PRTFDC1: variants seen among roughly 807,000 people sequenced by gnomAD.
The protein encoded by PRTFDC1 is phosphoribosyl transferase domain containing 1.
A neutral mutation model predicts 34.6 loss-of-function variants in PRTFDC1; 38 were observed. That is an observed-to-expected ratio of 1.10 (90% CI 0.85 to 1.44). The LOEUF is 1.44. PRTFDC1 is among the 40% of genes most tolerant of loss of function. The probability of loss-of-function intolerance (pLI) is 0.00; values close to 1 mark genes in which losing one functional copy is unlikely to be tolerated. For synonymous variants in PRTFDC1, 93 were observed against 98.1 expected (o/e 0.95, Z 0.31); for missense variants, 270 against 283.0 (o/e 0.95, Z 0.33).
intron 3 of PRTFDC1, among the ~76,000 whole-genome samples, chr10:24,930,627 A>T (rs1444605471): frequency 1.3e-5 from 2 of 152,158 alleles, no homozygotes; most frequent in Non-Finnish European, 2.9e-5. Flanking sequence ...TCCAGTGGTC[A>T]CAGTCTTGAG....
At chr10:24,899,543 G>T (rs1308572514) in intron 3 of PRTFDC1, among the ~76,000 whole-genome samples, 1 of 152,108 alleles carries the variant, frequency 6.6e-6, no homozygotes, top group Non-Finnish European at 1.5e-5. Context: ...GGTGGGAATT[G>T]ATTTTGGGAA....
intron 1 of PRTFDC1, among the ~76,000 whole-genome samples, chr10:24,949,182 TG>T (rs1849297940): frequency 6.6e-6 from 1 of 152,148 alleles, no homozygotes; most frequent in African/African-American, 2.4e-5. Flanking sequence ...CTTGACTTCC[TG>T]GGCTCAGGTG....
intron 4 of PRTFDC1, among the ~76,000 whole-genome samples, chr10:24,866,838 GAA>G (rs1477885401): frequency 2.7e-5 from 4 of 150,152 alleles, no homozygotes; most frequent in Non-Finnish European, 1.5e-5. Context: ...GGAAGAGAGA[GAA>G]AGGAATTTTA....
At chr10:24,886,738 A>G (rs1848171048) in intron 3 of PRTFDC1, among the ~76,000 whole-genome samples, 1 of 152,112 alleles carries the variant, frequency 6.6e-6, no homozygotes, top group East Asian at 1.9e-4. Context: ...CAGTCTCCAG[A>G]GTAACTGGGA....
In PRTFDC1 at chr10:24,889,023, C is replaced by G. The variant is rs150638471; in HGVS notation, c.340-16960G>C. The stretch of plus-strand genomic sequence containing the variant: ...GTTATGGTCTGAATGTTTGTTACCC[C>G]CCTCCCCGACCCTGCCCCAAATTCA... On this transcript the variant is annotated intron_variant, in intron 3 of 8. Transcript: ENST00000320152. Among the ~76,000 whole-genome samples, 643 of 152,230 alleles carry G rather than the reference C, an allele frequency of 4.2e-3. 2 individuals carry two copies. Among genetic ancestry groups the G allele is most frequent in the Non-Finnish European group, 5.3e-3 (358 of 68,020 alleles).
At chr10:24,889,419 T>C (rs1328215977) in intron 3 of PRTFDC1, among the ~76,000 whole-genome samples, 1 of 152,176 alleles carries the variant, frequency 6.6e-6, no homozygotes, top group African/African-American at 2.4e-5. Flanking sequence ...CCATACGGAC[T>C]AAGACAGCAC....
intron 3 of PRTFDC1, among the ~76,000 whole-genome samples, chr10:24,925,019 C>T (rs139032874): frequency 3.9e-4 from 59 of 152,300 alleles, no homozygotes; most frequent in African/African-American, 1.4e-3. Flanking sequence ...CACATGCACA[C>T]ATATGTTTAT....
intron 1 of PRTFDC1, 79 bp from the exon 2 acceptor site, chr10:24,942,515 G>A (rs1849179235): frequency 8.6e-7 from 1 of 1,156,906 alleles, no homozygotes; most frequent in Non-Finnish European, 1.3e-6. Flanking sequence ...TATCACTTGA[G>A]AGGAGAATTC....
intron 4 of PRTFDC1, among the ~76,000 whole-genome samples, chr10:24,864,666 A>G (rs1348548260): frequency 6.6e-6 from 1 of 152,248 alleles, no homozygotes; most frequent in Non-Finnish European, 1.5e-5. Flanking sequence ...CAGTATAAAC[A>G]TAAGTTTTAT....
At chr10:24,918,952 C>A (rs1246091841) in intron 3 of PRTFDC1, among the ~76,000 whole-genome samples, 1 of 152,132 alleles carries the variant, frequency 6.6e-6, no homozygotes, top group Non-Finnish European at 1.5e-5. Flanking sequence ...AGTTTTACAT[C>A]TTAGCCCCAT....
chr10:24,862,040 A>G (rs956401885), intron 4 of PRTFDC1, among the ~76,000 whole-genome samples: 1 of 152,114 alleles, frequency 6.6e-6, no homozygotes, highest in East Asian at 1.9e-4. Context: ...AATATAAAAC[A>G]TTATAAAATG....
At chr10:24,917,969 G>T (rs930237634) in intron 3 of PRTFDC1, among the ~76,000 whole-genome samples, 17 of 152,138 alleles carry the variant, frequency 1.1e-4, no homozygotes, top group African/African-American at 3.9e-4. Flanking sequence ...CGTGTTTTTG[G>T]TACTTTTTTG....
At chr10:24,949,483 C>T (rs1302908285) in intron 1 of PRTFDC1, among the ~76,000 whole-genome samples, 1 of 152,194 alleles carries the variant, frequency 6.6e-6, no homozygotes, top group Non-Finnish European at 1.5e-5. Flanking sequence ...GCTCTCCCTT[C>T]CCTCCTGCCT....
chr10:24,923,411 C>G (rs936915717), intron 3 of PRTFDC1, among the ~76,000 whole-genome samples: 1 of 152,154 alleles, frequency 6.6e-6, no homozygotes, highest in Non-Finnish European at 1.5e-5. Context: ...CGACAGACAC[C>G]TCATACAGGT....
Position 24,952,204 on chromosome 10 carries a change from C to T in PRTFDC1, c.48+324G>A, listed in dbSNP as rs1849356209. Among the ~76,000 whole-genome samples the T allele has an allele frequency of 6.6e-6, 1 of 152,184 alleles. No individual in the cohort carries two copies. Among genetic ancestry groups the T allele is most frequent in the Non-Finnish European group, 1.5e-5 (1 of 68,028 alleles). On this transcript the variant is annotated intron_variant, in intron 1 of 8. Coordinates refer to ENST00000320152, the MANE Select transcript of PRTFDC1 (RefSeq NM_020200.7). The surrounding 1 kb of genome is among the most constrained non-coding windows in gnomAD (Gnocchi z 5.1). ...GCACGCGGGGGTCTCTGGGGCCCTG[C>T]CGGGCTCGCAGAAGCGACTCCCCGT...
intron 3 of PRTFDC1, among the ~76,000 whole-genome samples, chr10:24,882,134 G>A (rs1282385833): frequency 2.0e-5 from 3 of 147,254 alleles, no homozygotes; most frequent in Non-Finnish European, 4.4e-5. Flanking sequence ...TTGAATCCGG[G>A]AGGCAGAGGT....
chr10:24,879,961 C>T (rs1353498762), intron 3 of PRTFDC1, among the ~76,000 whole-genome samples: 1 of 152,114 alleles, frequency 6.6e-6, no homozygotes, highest in Non-Finnish European at 1.5e-5. Context: ...GGAGACCAAG[C>T]GAACAGGCAG....
chr10:24,869,162 C>T lies in PRTFDC1; in HGVS notation c.405+2836G>A, dbSNP rs559031219. ...ATCTAACTTAATTGATAACCTTTCA[C>T]GGAGAGGCTGAATGAAGAATGAGTG... On this transcript the variant is annotated intron_variant, in intron 4 of 8. Coordinates refer to ENST00000320152, the MANE Select transcript of PRTFDC1 (RefSeq NM_020200.7). 1.4e-4 allele frequency among the ~76,000 whole-genome samples: 21 copies of T among 151,786 alleles called. No homozygotes were observed. In the South Asian group the frequency reaches 3.3e-3, roughly 24 times the overall value.
chr10:24,906,405 T>C (rs925073833), intron 3 of PRTFDC1, among the ~76,000 whole-genome samples: 5 of 152,126 alleles, frequency 3.3e-5, no homozygotes, highest in African/African-American at 1.2e-4. Flanking sequence ...CTCTGATATA[T>C]GGAATATGAA....
Sources: allele counts gnomAD v4.1 joint callset (sites outside exome capture counted in the v4.1 genomes callset), GRCh38; gene constraint gnomAD v4.1.1; non-coding constraint Gnocchi (gnomAD v3.1); transcripts MANE v1.5; gene names NCBI Gene and HGNC (gene_info 2026-07-23, HGNC 2026-07-21).